The following ABCC5 variants were observed in gnomAD, a reference collection of about 807,000 sequenced individuals.
ABCC5 encodes ATP-binding cassette sub-family C member 5.
A neutral mutation model predicts 160.9 loss-of-function variants in ABCC5; 61 were observed. The observed-to-expected ratio is 0.38, with a 90% confidence interval of 0.31 to 0.47. ABCC5 has a LOEUF of 0.47. Ranked by LOEUF, ABCC5 falls within the 20% of genes least tolerant of loss-of-function variation. The pLI, the probability that ABCC5 is intolerant of heterozygous loss-of-function variation, is 0.99. For missense variants in ABCC5, 1,308 were observed against 1,813.3 expected, an observed-to-expected ratio of 0.72 and a Z score of 5.06; for synonymous variants, 666 against 700.6, an observed-to-expected ratio of 0.95 and a Z score of 0.78.
intron 10 of ABCC5, among the ~76,000 whole-genome samples, chr3:183,973,944 G>C (rs527600445): frequency 6.6e-6 from 1 of 152,254 alleles, no homozygotes; most frequent in East Asian, 1.9e-4. Context: ...GGTTTTCACA[G>C]CTCCAGCCCC....
At chr3:183,977,818 T>C (rs1162031324) in intron 9 of ABCC5, among the ~76,000 whole-genome samples, 194 bp from the exon 10 acceptor site, 5 of 151,998 alleles carry the variant, frequency 3.3e-5, no homozygotes, top group African/African-American at 1.2e-4. Flanking sequence ...AGTGACACGA[T>C]CTTGGCTCAC....
Position 183,925,461 on chromosome 3 carries a change from C to T in ABCC5, c.4212+94G>A, listed in dbSNP as rs978682244. On this transcript the variant is annotated intron_variant, in intron 29 of 29. Coordinates refer to ENST00000334444, the MANE Select transcript of ABCC5 (RefSeq NM_005688.4). ...CTGCTGCAAGTGCTTATCTGAATGC[C>T]CAGAACCCTACAAAGATGGCAATCA... The T allele has an allele frequency of 5.0e-6, 7 of 1,395,312 alleles. No individual in the cohort carries two copies. The African/African-American group carries it at 7.2e-5, about 14-fold the overall frequency. 86.4% of individuals were successfully genotyped at this position (1,395,312 alleles called of 1,614,324 possible). A position where few individuals can be genotyped will look rare whatever the true frequency, so the allele number is the denominator to read the frequency against.
At chr3:184,006,447 C>T (rs1305570520) in intron 2 of ABCC5, 1 of 152,190 alleles carries the variant, frequency 6.6e-6, no homozygotes, top group African/African-American at 2.4e-5. Flanking sequence ...TTCCTAACAG[C>T]AAGCCGACTC....
At chr3:183,969,691 C>CA (rs35014671) in intron 11 of ABCC5, among the ~76,000 whole-genome samples, 1,387 of 70,026 alleles carry the variant, frequency 0.02, 14 homozygotes, top group South Asian at 0.073. Context: ...GACTCTGTCT[C>CA]AAAAAAAAAA....
intron 11 of ABCC5, among the ~76,000 whole-genome samples, chr3:183,968,389 C>A (rs747894516): frequency 1.3e-5 from 2 of 152,124 alleles, no homozygotes; most frequent in Non-Finnish European, 2.9e-5. Flanking sequence ...GGATTACAGG[C>A]ATGAGCCACC....
At chr3:183,940,121 T>C (rs180744788) in intron 25 of ABCC5, among the ~76,000 whole-genome samples, 47 of 152,282 alleles carry the variant, frequency 3.1e-4, no homozygotes, top group Non-Finnish European at 6.0e-4. Context: ...ATCTTCCTAA[T>C]GCAACAATCC....
chr3:183,968,708 C>A (rs1371611459), intron 11 of ABCC5, among the ~76,000 whole-genome samples: 1 of 152,196 alleles, frequency 6.6e-6, no homozygotes, highest in Non-Finnish European at 1.5e-5. Context: ...AAAAGGGTCA[C>A]TTGTTTACAA....
At chr3:183,923,976 T>C (rs1431651794) in intron 29 of ABCC5, among the ~76,000 whole-genome samples, 4 of 150,172 alleles carry the variant, frequency 2.7e-5, no homozygotes, top group Admixed American at 1.3e-4. Context: ...CTCCGCTTCC[T>C]TTTTTTTTAA....
chr3:183,970,003 C>T (rs1263343048), intron 11 of ABCC5, among the ~76,000 whole-genome samples: 2 of 152,258 alleles, frequency 1.3e-5, no homozygotes, highest in Non-Finnish European at 1.5e-5. Context: ...CTCCCGGTTA[C>T]TGTGGTAACA....
At chr3:183,933,323 CAA>C (rs1216113797) in intron 26 of ABCC5, among the ~76,000 whole-genome samples, 1 of 152,122 alleles carries the variant, frequency 6.6e-6, no homozygotes, top group Non-Finnish European at 1.5e-5. Context: ...GACGAAGACT[CAA>C]GAGACATACC....
Position 183,951,830 on chromosome 3 carries a change from G to T in ABCC5, c.2814+27C>A. 1 of 1,605,430 alleles carries T rather than the reference G, an allele frequency of 6.2e-7. No individual in the cohort carries two copies. ...CCTGACCACAGGTCACCAGGGAGGA[G>T]GGCAGAGACCACCCACCAATGCATA... On this transcript the variant is annotated intron_variant, in intron 19 of 29. Transcript: ENST00000334444. This position sits in a 1 kb window ranked among gnomAD's most constrained non-coding sequence, Gnocchi z 4.7.
At chr3:184,012,014 AACACACACAC>A (rs3031485) in intron 2 of ABCC5, among the ~76,000 whole-genome samples, 162 of 145,476 alleles carry the variant, frequency 1.1e-3, no homozygotes, top group Middle Eastern at 3.5e-3. Flanking sequence ...CATAGAACAC[AACACACACAC>A]ACACACACAC....
At chr3:183,938,978 G>A (rs1403363871) in intron 25 of ABCC5, among the ~76,000 whole-genome samples, 1 of 152,178 alleles carries the variant, frequency 6.6e-6, no homozygotes, top group Non-Finnish European at 1.5e-5. Flanking sequence ...AGCAGAACAG[G>A]TTAACCAAAT....
Position 183,945,889 on chromosome 3 carries a change from A to C in ABCC5, c.3465T>G (p.Ala1155=). 1 of 1,614,156 alleles carries C rather than the reference A, an allele frequency of 6.2e-7. No homozygotes were observed. Among genetic ancestry groups the C allele is most frequent in the Non-Finnish European group, 8.5e-7 (1 of 1,180,012 alleles). ...FTVRLASETE[A]RFTSVERINH... ...TGATCCTCTCCACCGAGGTGAATCGAGCTTCTGTCTCAGATGCCAGTCTGA... is the reference window on the plus strand; with the variant it reads ...TGATCCTCTCCACCGAGGTGAATCGCGCTTCTGTCTCAGATGCCAGTCTGA... Residue 1155 remains alanine (A), a synonymous_variant, in exon 24 of 30, where the codon GCT becomes GCG. Coordinates refer to ENST00000334444, the MANE Select transcript of ABCC5 (RefSeq NM_005688.4).
Position 183,928,387 on chromosome 3 carries a change from C to T in ABCC5, c.3933+360G>A, listed in dbSNP as rs547427973. ...TCGGCCTCCCAAAGTGCTGGGATTA[C>T]AGGCGAGAGCCACTGCGCCCGGCCA... On this transcript the variant is annotated intron_variant, in intron 27 of 29. Coordinates refer to ENST00000334444, the MANE Select transcript of ABCC5 (RefSeq NM_005688.4). Among the ~76,000 whole-genome samples the T allele has an allele frequency of 2.6e-5, 4 of 152,306 alleles. No homozygotes were observed. The East Asian group carries it at 7.7e-4, about 29-fold the overall frequency.
rs56843723 is a variant in ABCC5 at position 184,017,856 on chromosome 3, G to A, written c.-82C>T. On this transcript the variant is annotated 5_prime_UTR_variant, in exon 1 of 30. Coordinates refer to ENST00000334444, the MANE Select transcript of ABCC5 (RefSeq NM_005688.4). This position sits in a 1 kb window ranked among gnomAD's most constrained non-coding sequence, Gnocchi z 4.5. ...TGCGCCCCTGCTCCAGGACAACCGC[G>A]CCAGCCGCTCAACCACGCTCCCGAG... is the stretch of plus-strand genomic sequence containing the variant. The A allele has an allele frequency of 0.021, 3,240 of 152,672 alleles. 54 individuals are homozygous for A. The highest frequency in any genetic ancestry group is 0.033 in the Non-Finnish European group (2,262 of 68,310). The allele number at this position is 152,672 out of a possible 1,614,324, so 9.5% of individuals were successfully genotyped here. A position where few individuals can be genotyped will look rare whatever the true frequency, so the allele number is the denominator to read the frequency against.
intron 17 of ABCC5, among the ~76,000 whole-genome samples, chr3:183,956,376 G>A (rs1351116340): frequency 2.0e-5 from 3 of 150,876 alleles, no homozygotes; most frequent in Non-Finnish European, 3.0e-5. Context: ...ATGCAGCTCC[G>A]TGTGTAAATC....
At chr3:183,932,460 G>A (rs1185734445) in intron 26 of ABCC5, among the ~76,000 whole-genome samples, 2 of 152,184 alleles carry the variant, frequency 1.3e-5, no homozygotes, top group African/African-American at 4.8e-5. Flanking sequence ...CCACAAAGAG[G>A]CACGTCTAAC....
intron 1 of ABCC5, among the ~76,000 whole-genome samples, chr3:184,015,247 A>C (rs1317469031): frequency 2.6e-5 from 4 of 152,200 alleles, no homozygotes; most frequent in Non-Finnish European, 5.9e-5. Flanking sequence ...ACTCTATTCT[A>C]AACCACTGCT....
Sources: allele counts gnomAD v4.1 joint callset (sites outside exome capture counted in the v4.1 genomes callset), GRCh38; gene constraint gnomAD v4.1.1; non-coding constraint Gnocchi (gnomAD v3.1); transcripts MANE v1.5; gene names NCBI Gene and HGNC (gene_info 2026-07-23, HGNC 2026-07-21).